The following TNRC6C variants were observed in gnomAD, a reference collection of about 807,000 sequenced individuals.
The protein encoded by TNRC6C is trinucleotide repeat containing adaptor 6C, also known as trinucleotide repeat-containing gene 6C protein.
A neutral mutation model predicts 153.7 loss-of-function variants in TNRC6C; 20 were observed. The ratio of observed to expected loss-of-function variants is 0.13; its 90% CI spans 0.09 to 0.19. The LOEUF is 0.19. Among genes scored for constraint, TNRC6C ranks in the 10% least tolerant of loss-of-function variants. The pLI, the probability that TNRC6C is intolerant of heterozygous loss-of-function variation, is 1.00. For missense variants in TNRC6C, 1,987 were observed against 2,172.0 expected (o/e 0.91, Z 1.69); for synonymous variants, 811 against 841.4 (o/e 0.96, Z 0.63).
intron 6 of TNRC6C, among the ~76,000 whole-genome samples, chr17:78,072,634 A>C (rs186118865): frequency 9.2e-5 from 14 of 152,306 alleles, no homozygotes; most frequent in Admixed American, 3.9e-4. Context: ...TGTAATCCCA[A>C]CACTTTGGGA....
chr17:78,013,933 C>T (rs1475611740), intron 1 of TNRC6C, among the ~76,000 whole-genome samples: 1 of 152,112 alleles, frequency 6.6e-6, no homozygotes, highest in Non-Finnish European at 1.5e-5. Context: ...GCTCTTTTGC[C>T]TAAGAGAATA....
chr17:78,100,287 C>T (rs1052321048), intron 17 of TNRC6C, among the ~76,000 whole-genome samples: 7 of 152,252 alleles, frequency 4.6e-5, no homozygotes, highest in Non-Finnish European at 1.0e-4. Flanking sequence ...TTCCCTTCCA[C>T]ACTGCCCTAG....
chr17:77,960,222 G>A (rs2070850505), intron 1 of TNRC6C, among the ~76,000 whole-genome samples: 1 of 152,184 alleles, frequency 6.6e-6, no homozygotes, highest in Admixed American at 6.5e-5. Flanking sequence ...ATTTCTAGGC[G>A]TGAACTGCGG....
At chr17:78,077,307 C>T in exon 9 of TNRC6C, 1 of 1,579,706 alleles carries the variant, frequency 6.3e-7, no homozygotes, top group South Asian at 1.2e-5. Flanking sequence ...CCGGGCTGGG[C>T]ATGCAAAACT....
intron 1 of TNRC6C, among the ~76,000 whole-genome samples, chr17:77,984,956 AG>A (rs1221289101): frequency 2.3e-4 from 35 of 152,184 alleles, no homozygotes; most frequent in African/African-American, 8.2e-4. Flanking sequence ...ACCTTTTACT[AG>A]TTAACACATC....
chr17:78,020,308 C>G (rs1042952739), intron 1 of TNRC6C, among the ~76,000 whole-genome samples: 1 of 152,198 alleles, frequency 6.6e-6, no homozygotes, highest in African/African-American at 2.4e-5. Context: ...TTGCATTATA[C>G]TCCGGGACCC....
At chr17:78,092,775 C>T (rs1324669625) in intron 14 of TNRC6C, among the ~76,000 whole-genome samples, 158 bp from the exon 17 acceptor site, 2 of 152,186 alleles carry the variant, frequency 1.3e-5, no homozygotes, top group African/African-American at 4.8e-5. Context: ...TTGATTCTTA[C>T]AGAATCCTAG....
chr17:77,959,308 A>T (rs1487467852), intron 1 of TNRC6C, 40 bp downstream of exon 1: 2 of 151,640 alleles, frequency 1.3e-5, no homozygotes, highest in Non-Finnish European at 3.0e-5. Flanking sequence ...CGCAGCCGCA[A>T]CTTTGCCGGG....
intron 1 of TNRC6C, among the ~76,000 whole-genome samples, chr17:77,993,963 T>C (rs763436689): frequency 6.6e-6 from 1 of 151,982 alleles, no homozygotes; most frequent in Non-Finnish European, 1.5e-5. Flanking sequence ...GAGGCTGAGG[T>C]GGGCAGATCA....
intron 5 of TNRC6C, among the ~76,000 whole-genome samples, chr17:78,069,007 C>A (rs1025961782): frequency 1.2e-4 from 19 of 152,072 alleles, no homozygotes; most frequent in Non-Finnish European, 2.6e-4. Context: ...CAATTTTGGA[C>A]TCAGAGAGGC....
At chr17:78,002,657 C>T (rs2071430950), upstream of TNRC6C, among the ~76,000 whole-genome samples, 2 of 152,176 alleles carry the variant, frequency 1.3e-5, no homozygotes, top group South Asian at 4.1e-4. Flanking sequence ...CTTTGGGAGG[C>T]TGAGGTGGGA....
rs199795094 is a variant in TNRC6C at position 78,079,089 on chromosome 17, TAA to T, written c.3211-294_3211-293del. Among the ~76,000 whole-genome samples the T allele has an allele frequency of 5.4e-5, 7 of 130,512 alleles. No individual in the cohort carries two copies. Among genetic ancestry groups the T allele is most frequent in the East Asian group, 2.2e-4 (1 of 4,476 alleles). 85.6% of individuals were successfully genotyped at this position (130,512 alleles called of 152,430 possible). A position where few individuals can be genotyped will look rare whatever the true frequency, so the allele number is the denominator to read the frequency against. On this transcript the variant is annotated intron_variant, in intron 9 of 19. Transcript: ENST00000301624. This position sits in a 1 kb window ranked among gnomAD's most constrained non-coding sequence, Gnocchi z 4.3. ...CTGGGTGACAGAGCAAAACTCCATC[TAA>T]AAAAAAAAAAAGCCAGGCATAGTGG...
Position 78,075,344 on chromosome 17 carries a change from T to A in TNRC6C, c.3060+66T>A. On this transcript the variant is annotated intron_variant, in intron 8 of 19. Coordinates refer to ENST00000301624, the Ensembl canonical transcript of TNRC6C. The surrounding 1 kb of genome is among the most constrained non-coding windows in gnomAD (Gnocchi z 4.2). Reference sequence around the variant, plus strand: ...AGAGGAGTTTTTCATTTCAACTGTGTCCTTAATACAAGCCAGATTAAAAAC... The same window carrying A: ...AGAGGAGTTTTTCATTTCAACTGTGACCTTAATACAAGCCAGATTAAAAAC... 2.0e-6 allele frequency: 3 copies of A among 1,520,988 alleles called. No homozygotes were observed. Among genetic ancestry groups the A allele is most frequent in the Non-Finnish European group, 2.7e-6 (3 of 1,126,034 alleles). The allele number at this position is 1,520,988 out of a possible 1,614,324, so 94.2% of individuals were successfully genotyped here.
At position 78,104,805 on chromosome 17, in the gene TNRC6C, C is replaced by A. The variant is rs777804030; in HGVS notation, c.5033C>A (p.Thr1678Asn). The A allele has an allele frequency of 2.1e-6, 3 of 1,438,556 alleles. No homozygotes were observed. Among genetic ancestry groups the A allele is most frequent in the Non-Finnish European group, 9.1e-7 (1 of 1,096,344 alleles). The allele number at this position is 1,438,556 out of a possible 1,614,324, so 89.1% of individuals were successfully genotyped here. The change falls in exon 20 of 20, where the codon ACC (threonine) becomes AAC (asparagine). Residue 1678 changes from threonine (T) to asparagine (N), a missense_variant. By Grantham distance (65) the Thr-to-Asn change is moderately conservative. Coordinates refer to ENST00000301624, the Ensembl canonical transcript of TNRC6C. The surrounding 1 kb of genome is among the most constrained non-coding windows in gnomAD (Gnocchi z 6.2). ...ATAGGCAGCCCCACGCCGCTAACCA[C>A]CCTGCTGCCTGGGGACCTGCTCAGC...
At chr17:78,098,750 G>A (rs780030429) in intron 17 of TNRC6C, among the ~76,000 whole-genome samples, 11 of 152,138 alleles carry the variant, frequency 7.2e-5, no homozygotes, top group South Asian at 4.1e-4. Flanking sequence ...GTGCCGGCAC[G>A]CAGCAGGTTT....
chr17:78,006,836 T>TTATTTA (rs1567911324), intron 1 of TNRC6C, among the ~76,000 whole-genome samples: 32 of 143,410 alleles, frequency 2.2e-4, no homozygotes, highest in East Asian at 3.9e-4. Context: ...TTATTTTTTT[T>TTATTTA]TTTTTTGAGA....
intron 5 of TNRC6C, among the ~76,000 whole-genome samples, chr17:78,068,267 T>C (rs1337812561): frequency 6.6e-6 from 1 of 152,252 alleles, no homozygotes; most frequent in Non-Finnish European, 1.5e-5. Context: ...AGTGCCACCC[T>C]TCTCATGAAA....
chr17:78,057,799 T>C (rs1285403617), intron 3 of TNRC6C, among the ~76,000 whole-genome samples: 2 of 152,012 alleles, frequency 1.3e-5, no homozygotes, highest in Admixed American at 6.5e-5. Context: ...TCCTGTCTTA[T>C]AAAATATGAT....
At chr17:78,065,932 A>G (rs2072867484) in intron 4 of TNRC6C, among the ~76,000 whole-genome samples, 1 of 152,164 alleles carries the variant, frequency 6.6e-6, no homozygotes, top group African/African-American at 2.4e-5. Flanking sequence ...TTTAAATCTG[A>G]TATTAAAATT....
Sources: gnomAD v4.1 joint callset for allele counts (sites outside exome capture counted in the v4.1 genomes callset) on GRCh38, gnomAD v4.1.1 for gene constraint, Gnocchi (gnomAD v3.1) non-coding constraint, MANE v1.5 for transcripts, NCBI Gene and HGNC (gene_info 2026-07-23, HGNC 2026-07-21) for gene names.